MAN2B1: variants seen among roughly 807,000 people sequenced by gnomAD.
The protein encoded by MAN2B1 is mannosidase alpha class 2B member 1, also known as lysosomal alpha-mannosidase.
Under a neutral mutation model 127.5 loss-of-function variants are expected in MAN2B1, and 99 were observed. The observed-to-expected ratio is 0.78, with a 90% CI of 0.66 to 0.92. MAN2B1 has a LOEUF of 0.92. MAN2B1 is among the 40% of genes least tolerant of loss of function. The probability of loss-of-function intolerance (pLI) is 0.00; values close to 1 mark genes in which losing one functional copy is unlikely to be tolerated. For synonymous variants in MAN2B1, 573 were observed against 568.8 expected (o/e 1.01, Z -0.11); for missense variants, 1,304 against 1,384.8 (o/e 0.94, Z 0.93).
chr19:12,666,396 C>T (rs934937610), intron 1 of MAN2B1, 147 bp downstream of exon 1: 11 of 886,718 alleles, frequency 1.2e-5, no homozygotes, highest in Non-Finnish European at 2.0e-5. Flanking sequence ...CCAGACCTCG[C>T]AATGACACAA....
Position 12,650,242 on chromosome 19 carries a change from G to T in MAN2B1, c.2047-20C>A. 1 of 1,506,504 alleles carries T rather than the reference G, an allele frequency of 6.6e-7. No homozygotes were observed. The highest frequency in any genetic ancestry group is 1.7e-4 in the Middle Eastern group (1 of 5,840). The allele number at this position is 1,506,504 out of a possible 1,614,324, so 93.3% of individuals were successfully genotyped here. On this transcript the variant is annotated intron_variant, in intron 16 of 23. Transcript: ENST00000456935. ...GGGTGTCTGCGGGCACACGGGTGAG[G>T]TGGATGTCAGTCTGTACCTGAGCAG...
chr19:12,662,644 C>A (rs1371550310), intron 6 of MAN2B1, among the ~76,000 whole-genome samples: 4 of 147,856 alleles, frequency 2.7e-5, no homozygotes, highest in African/African-American at 7.5e-5. Context: ...AAAAGGAATT[C>A]TCAATAAAAA....
chr19:12,663,491 G>A (rs2024156958), intron 5 of MAN2B1, 29 bp from the exon 6 acceptor site: 1 of 1,611,742 alleles, frequency 6.2e-7, no homozygotes, highest in Non-Finnish European at 8.5e-7. Context: ...TCAAGGGGTG[G>A]CCCATCACCC....
At position 12,652,366 on chromosome 19, in the gene MAN2B1, A is replaced by C. The variant is rs769987836; in HGVS notation, c.1925T>G (p.Phe642Cys). The change falls in exon 15 of 24, where the codon TTC becomes TGC. Residue 642 changes from phenylalanine (F) to cysteine (C), a missense_variant. By Grantham distance (205) the Phe-to-Cys change is radical. Transcript: ENST00000456935. ...QLLLPVRQTF[F>C]WYNASIGDNE... ...AGGCCTGGTGATCTTCCCTTACCAG[A>C]AGAAGGTCTGGCGAACAGGCAGCAG... 1 of 1,613,866 alleles carries C rather than the reference A, an allele frequency of 6.2e-7. No homozygotes were observed. Among genetic ancestry groups the C allele is most frequent in the South Asian group, 1.1e-5 (1 of 91,068 alleles).
At chr19:12,646,850 G>A (rs1188493249) in intron 23 of MAN2B1, 118 bp from the exon 24 acceptor site, 1 of 742,636 alleles carries the variant, frequency 1.3e-6, no homozygotes, top group East Asian at 2.6e-5. Context: ...TGTCTCCAGG[G>A]CCTCAATCCC....
At chr19:12,665,871 G>A in intron 1 of MAN2B1, 66 bp from the exon 2 acceptor site, 1 of 1,283,558 alleles carries the variant, frequency 7.8e-7, no homozygotes, top group Non-Finnish European at 1.1e-6. Flanking sequence ...TGCAGAGTAA[G>A]TCTTGATCTA....
At chr19:12,663,077 A>G (rs2024145936) in intron 6 of MAN2B1, among the ~76,000 whole-genome samples, 1 of 151,942 alleles carries the variant, frequency 6.6e-6, no homozygotes, top group Non-Finnish European at 1.5e-5. Flanking sequence ...ACCAGCCTGG[A>G]CAACATGATG....
chr19:12,666,711 G>C lies in MAN2B1; in HGVS notation c.-10C>G, dbSNP rs1454752496. On this transcript the variant is annotated 5_prime_UTR_variant, in exon 1 of 24. Coordinates refer to ENST00000456935, the MANE Select transcript of MAN2B1 (RefSeq NM_000528.4). ...GCGCGTAGGCGCCCATGGCTCAGCA[G>C]CTTCCTCCTGGGGTTCCCCGGCCCT... The C allele has an allele frequency of 6.5e-7, 1 of 1,547,600 alleles. No individual in the cohort carries two copies. Among genetic ancestry groups the C allele is most frequent in the South Asian group, 1.2e-5 (1 of 84,002 alleles).
chr19:12,652,511 T>G (rs373143830), intron 14 of MAN2B1, 51 bp from the exon 15 acceptor site: 35 of 1,277,852 alleles, frequency 2.7e-5, no homozygotes, highest in Non-Finnish European at 3.4e-6. Flanking sequence ...GTGTGTGTGT[T>G]TTCTTTTTTT....
chr19:12,666,721 G>A lies in MAN2B1; in HGVS notation c.-20C>T. 1 of 1,546,048 alleles carries A rather than the reference G, an allele frequency of 6.5e-7. No homozygotes were observed. Among genetic ancestry groups the A allele is most frequent in the Non-Finnish European group, 8.7e-7 (1 of 1,145,998 alleles). ...GCCCATGGCTCAGCAGCTTCCTCCT[G>A]GGGTTCCCCGGCCCTGGAAAGGCCG... On this transcript the variant is annotated 5_prime_UTR_variant, in exon 1 of 24. Transcript: ENST00000456935.
intron 14 of MAN2B1, among the ~76,000 whole-genome samples, chr19:12,654,019 C>T (rs1026994223): frequency 2.0e-5 from 3 of 151,792 alleles, no homozygotes; most frequent in African/African-American, 7.3e-5. Context: ...GTGCCCACCC[C>T]AGCCTTTTCT....
intron 11 of MAN2B1, 76 bp from the exon 12 acceptor site, chr19:12,657,132 C>T (rs2023982789): frequency 4.5e-6 from 4 of 895,062 alleles, no homozygotes. Context: ...GGCCCCGCCC[C>T]GTTCCGGTCT....
chr19:12,665,051 A>T, intron 3 of MAN2B1, 66 bp from the exon 4 acceptor site: 1 of 1,438,612 alleles, frequency 7.0e-7, no homozygotes, highest in Non-Finnish European at 9.7e-7. Context: ...GGTGGGTGAT[A>T]CTGGGAATGT....
intron 14 of MAN2B1, among the ~76,000 whole-genome samples, chr19:12,653,049 G>T (rs1442233772): frequency 6.6e-6 from 1 of 150,882 alleles, no homozygotes; most frequent in East Asian, 2.0e-4. Context: ...GGTCAGGCTG[G>T]TCTCCAACTC....
At chr19:12,656,258 C>T (rs964313190) in intron 13 of MAN2B1, 8 of 454,652 alleles carry the variant, frequency 1.8e-5, no homozygotes, top group Admixed American at 1.5e-4. Flanking sequence ...ACCAGCCAGG[C>T]ACGGTGGCTC....
At position 12,650,165 on chromosome 19, in the gene MAN2B1, G is replaced by A. The variant is rs988974694; in HGVS notation, c.2104C>T (p.Arg702Cys). The A allele has an allele frequency of 1.8e-5, 29 of 1,613,816 alleles. No individual in the cohort carries two copies. The Admixed American group carries it at 4.0e-4, about 22-fold the overall frequency. ...AGGTGCCGCTGTCCTGGGTACAGGCGAACCACCTGGGAACACCAAGCTGAG... is the reference window on the plus strand; with the variant it reads ...AGGTGCCGCTGTCCTGGGTACAGGCAAACCACCTGGGAACACCAAGCTGAG... ...NFSAWCSQVV[R>C]LYPGQRHLEL... The change falls in exon 17 of 24, where the codon CGC (arginine) becomes TGC (cysteine). Residue 702 changes from arginine (R) to cysteine (C), a missense_variant. Transcript: ENST00000456935.
At chr19:12,653,393 C>A (rs1470952257) in intron 14 of MAN2B1, among the ~76,000 whole-genome samples, 1 of 151,452 alleles carries the variant, frequency 6.6e-6, no homozygotes, top group African/African-American at 2.4e-5. Flanking sequence ...GATCCACCCC[C>A]CCCTCAGCCT....
intron 14 of MAN2B1, 85 bp from the exon 15 acceptor site, chr19:12,652,545 T>TC (rs1261766267): frequency 1.0e-6 from 1 of 980,060 alleles, no homozygotes; most frequent in African/African-American, 1.6e-5. Flanking sequence ...TCTTTTTTTT[T>TC]TTTTGAGACT....
At chr19:12,654,290 C>T (rs1379976994) in intron 14 of MAN2B1, among the ~76,000 whole-genome samples, 5 of 152,166 alleles carry the variant, frequency 3.3e-5, no homozygotes, top group Non-Finnish European at 5.9e-5. Flanking sequence ...GATCTGCCTG[C>T]CTCGGCCTCC....
Sources: allele counts gnomAD v4.1 joint callset (sites outside exome capture counted in the v4.1 genomes callset), GRCh38; gene constraint gnomAD v4.1.1; transcripts MANE v1.5; gene names NCBI Gene and HGNC (gene_info 2026-07-23, HGNC 2026-07-21).